Variants in FGF13 observed in about 807,000 individuals in gnomAD.
FGF13 encodes the protein fibroblast growth factor homologous factor 2.
In FGF13, 2 loss-of-function variants were observed where a neutral mutation model predicts 19.5. The observed-to-expected ratio is 0.10, with a 90% CI of 0.04 to 0.32. FGF13 has a LOEUF of 0.32. Ranked by LOEUF, FGF13 falls within the 10% of genes least tolerant of loss-of-function variation. FGF13 has a pLI of 1.00. For synonymous variants in FGF13, 72 were observed against 76.9 expected (o/e 0.94, Z 0.33); for missense variants, 113 against 192.7 (o/e 0.59, Z 2.45).
chrX:139,189,180 A>G (rs1304217500), intron 1 of FGF13, among the ~76,000 whole-genome samples: 1 of 111,317 alleles, frequency 9.0e-6, no homozygotes, highest in African/African-American at 3.3e-5. Context: ...CTTGCAAGTC[A>G]TTTGGATTGA....
intron 1 of FGF13, among the ~76,000 whole-genome samples, chrX:139,139,823 G>T (rs894126978): frequency 8.9e-6 from 1 of 111,743 alleles, no homozygotes; most frequent in African/African-American, 3.3e-5. Context: ...TAGGTACTGA[G>T]AAAAATGCGT....
At chrX:138,871,589 T>C (rs1222923659) in intron 1 of FGF13, among the ~76,000 whole-genome samples, 1 of 112,462 alleles carries the variant, frequency 8.9e-6, no homozygotes, top group Non-Finnish European at 1.9e-5. Flanking sequence ...TTTCTGCTAT[T>C]GCAGTATAAT....
chrX:139,145,007 A>T (rs2083876613), intron 1 of FGF13, among the ~76,000 whole-genome samples: 1 of 112,388 alleles, frequency 8.9e-6, no homozygotes, highest in Non-Finnish European at 1.9e-5. Flanking sequence ...TTTATGAAAC[A>T]TAACCATATT....
chrX:138,901,749 A>C (rs2124210810), intron 1 of FGF13, among the ~76,000 whole-genome samples: 1 of 111,746 alleles, frequency 8.9e-6, no homozygotes, highest in African/African-American at 3.3e-5. Flanking sequence ...TGAAAGTGAA[A>C]TTTCAATCTC....
At position 139,005,834 on chromosome X, in the gene FGF13, A is replaced by C. The variant is rs750924338; in HGVS notation, c.-112-141184T>G. On this transcript the variant is annotated intron_variant, in intron 1 of 2. Transcript: ENST00000421460. ...AATAGCAGAATGGATCAAGCAGAAG[A>C]CAAAATTAGTGAACTTGAAGACAGC... is the stretch of plus-strand genomic sequence containing the variant. 2.8e-5 allele frequency among the ~76,000 whole-genome samples: 3 copies of C among 107,190 alleles called. No individual in the cohort carries two copies. The South Asian group carries it at 1.3e-3, about 45-fold the overall frequency. The allele number at this position is 107,190 out of a possible 115,157, so 93.1% of individuals were successfully genotyped here. A position where few individuals can be genotyped will look rare whatever the true frequency, so the allele number is the denominator to read the frequency against.
At chrX:138,926,808 T>C (rs1248146736) in intron 1 of FGF13, among the ~76,000 whole-genome samples, 2 of 110,766 alleles carry the variant, frequency 1.8e-5, no homozygotes, top group Admixed American at 9.6e-5. Flanking sequence ...CAAAAATTAG[T>C]AGGGTGTGGT....
At chrX:138,943,733 G>C (rs1346576561) in intron 1 of FGF13, among the ~76,000 whole-genome samples, 2 of 111,462 alleles carry the variant, frequency 1.8e-5, no homozygotes, top group Non-Finnish European at 3.8e-5. Context: ...ACTGTAAAGG[G>C]GATGAAAGCA....
chrX:138,765,743 C>T (rs894191657), intron 3 of FGF13, among the ~76,000 whole-genome samples: 1 of 111,640 alleles, frequency 9.0e-6, no homozygotes, highest in African/African-American at 3.3e-5. Context: ...CCTTTGAGGT[C>T]TCCCCATTGC....
At chrX:138,688,579 G>A (rs1228672148) in intron 3 of FGF13, among the ~76,000 whole-genome samples, 1 of 110,067 alleles carries the variant, frequency 9.1e-6, no homozygotes, top group East Asian at 2.9e-4. Flanking sequence ...AAAATACCAC[G>A]TGTACCCCCT....
chrX:138,886,054 C>T (rs762837777), intron 1 of FGF13, among the ~76,000 whole-genome samples: 1 of 111,820 alleles, frequency 8.9e-6, no homozygotes, highest in African/African-American at 3.3e-5. Flanking sequence ...ACAGTCATTG[C>T]ATCCACATGG....
chrX:139,183,234 C>G (rs1191663880), intron 1 of FGF13, among the ~76,000 whole-genome samples: 2 of 111,939 alleles, frequency 1.8e-5, no homozygotes, highest in African/African-American at 3.3e-5. Context: ...GAGGCTGGAG[C>G]AATAATTTTT....
chrX:139,023,567 G>A (rs1164726404), intron 1 of FGF13, among the ~76,000 whole-genome samples: 3 of 111,477 alleles, frequency 2.7e-5, no homozygotes, highest in South Asian at 3.7e-4. Context: ...AATCATAAAT[G>A]TATGCAAGAT....
chrX:138,980,438 T>A (rs17001896), intron 1 of FGF13, among the ~76,000 whole-genome samples: 71 of 111,997 alleles, frequency 6.3e-4, no homozygotes, highest in Non-Finnish European at 1.1e-3. Context: ...TCATGAGTGA[T>A]GATCAATAAT....
intron 1 of FGF13, among the ~76,000 whole-genome samples, chrX:138,977,053 T>C (rs1304259033): frequency 2.7e-5 from 3 of 111,694 alleles, no homozygotes; most frequent in Non-Finnish European, 5.6e-5. Context: ...ACATTTAAGA[T>C]AATCAAAATA....
chrX:139,029,426 C>T (rs917296623), intron 1 of FGF13, among the ~76,000 whole-genome samples: 3 of 111,951 alleles, frequency 2.7e-5, no homozygotes, highest in African/African-American at 9.7e-5. Context: ...CTTCTAGTGA[C>T]TCCTCTAGGA....
chrX:139,061,096 G>T (rs186415350), intron 1 of FGF13, among the ~76,000 whole-genome samples: 93 of 111,817 alleles, frequency 8.3e-4, no homozygotes, highest in African/African-American at 2.8e-3. Flanking sequence ...GCAGGTTCAA[G>T]ATAACTGCTG....
intron 3 of FGF13, among the ~76,000 whole-genome samples, chrX:138,785,364 T>C (rs1382990318): frequency 1.8e-5 from 2 of 111,851 alleles, no homozygotes; most frequent in African/African-American, 6.5e-5. Context: ...CCTCTCCATG[T>C]CTCTGTCCCC....
intron 1 of FGF13, among the ~76,000 whole-genome samples, chrX:139,089,441 ACT>A (rs1452117827): frequency 8.9e-6 from 1 of 111,903 alleles, no homozygotes; most frequent in Non-Finnish European, 1.9e-5. Flanking sequence ...ACCCAACTGG[ACT>A]CTTATGAAGG....
intron 1 of FGF13, among the ~76,000 whole-genome samples, chrX:138,998,102 G>T (rs898128179): frequency 2.4e-4 from 27 of 111,572 alleles, no homozygotes; most frequent in African/African-American, 8.8e-4. Flanking sequence ...AAGTGAAGAA[G>T]AAATAAAATC....
Sources: allele counts gnomAD v4.1 joint callset (sites outside exome capture counted in the v4.1 genomes callset), GRCh38; gene constraint gnomAD v4.1.1; transcripts MANE v1.5; gene names NCBI Gene and HGNC (gene_info 2026-07-23, HGNC 2026-07-21).